Variants in LVRN observed in about 807,000 individuals in gnomAD.
The protein encoded by LVRN is aminopeptidase Q.
A neutral mutation model predicts 111.4 loss-of-function variants in LVRN; 99 were observed. That is an observed-to-expected ratio of 0.89 (90% CI 0.76 to 1.05). LVRN has a LOEUF of 1.05. Ranked by LOEUF, LVRN falls within the 50% of genes least tolerant of loss-of-function variation. LVRN has a pLI of 0.00. For missense variants in LVRN, 1,414 were observed against 1,206.8 expected, an observed-to-expected ratio of 1.17 and a Z score of -2.54; for synonymous variants, 488 against 449.5, an observed-to-expected ratio of 1.09 and a Z score of -1.08.
At chr5:115,988,225 T>C (rs1308723282) in intron 4 of LVRN, among the ~76,000 whole-genome samples, 1 of 152,158 alleles carries the variant, frequency 6.6e-6, no homozygotes, top group Non-Finnish European at 1.5e-5. Context: ...GACCCTACTT[T>C]CTCTTTTGAG....
At chr5:116,002,617 G>A (rs569302498) in intron 10 of LVRN, among the ~76,000 whole-genome samples, 67 of 152,248 alleles carry the variant, frequency 4.4e-4, no homozygotes, top group African/African-American at 1.5e-3. Flanking sequence ...AAGTAAATCC[G>A]TAAGACACAA....
intron 15 of LVRN, 102 bp downstream of exon 15, chr5:116,012,570 G>A: frequency 1.5e-6 from 1 of 686,380 alleles, no homozygotes. Flanking sequence ...TTCATTGAGA[G>A]ATTTTATATG....
intron 18 of LVRN, among the ~76,000 whole-genome samples, chr5:116,017,859 C>G (rs1215346733): frequency 6.6e-6 from 1 of 152,132 alleles, no homozygotes; most frequent in Non-Finnish European, 1.5e-5. Flanking sequence ...CACTTTATTT[C>G]TTTTTCTCAA....
intron 1 of LVRN, among the ~76,000 whole-genome samples, chr5:115,981,427 A>G (rs941750164): frequency 6.6e-6 from 1 of 152,084 alleles, no homozygotes; most frequent in Admixed American, 6.6e-5. Flanking sequence ...AGCCCCTAGA[A>G]CACTTTTTTT....
chr5:115,979,104 G>T (rs1375025285), intron 1 of LVRN, among the ~76,000 whole-genome samples: 1 of 152,038 alleles, frequency 6.6e-6, no homozygotes, highest in Non-Finnish European at 1.5e-5. Context: ...AATCAAGACA[G>T]TCCCCATATT....
At chr5:116,022,568 T>C (rs1580403828) in intron 19 of LVRN, 102 bp downstream of exon 19, 1 of 787,450 alleles carries the variant, frequency 1.3e-6, no homozygotes, top group Non-Finnish European at 2.1e-6. Context: ...ATCTGAATTA[T>C]TACATTCTAT....
intron 13 of LVRN, among the ~76,000 whole-genome samples, chr5:116,007,838 C>G (rs1748409567): frequency 6.6e-6 from 1 of 152,204 alleles, no homozygotes; most frequent in Admixed American, 6.5e-5. Flanking sequence ...TACAAAATTT[C>G]AAACTTTTTC....
rs183750778 is a variant in LVRN at position 115,972,071 on chromosome 5, A to G, written c.695+8759A>G. On this transcript the variant is annotated intron_variant, in intron 1 of 19. Transcript: ENST00000357872. Reference sequence around the variant, plus strand: ...TTTTATGAATTCAGTTGTAAATTCAAGTATTTTTATGAATTCAGTTGAAAA... The same window carrying G: ...TTTTATGAATTCAGTTGTAAATTCAGGTATTTTTATGAATTCAGTTGAAAA... 1.5e-4 allele frequency among the ~76,000 whole-genome samples: 23 copies of G among 152,262 alleles called. No homozygotes were observed. The East Asian group carries it at 4.2e-3, about 28-fold the overall frequency.
intron 16 of LVRN, 122 bp from the exon 17 acceptor site, chr5:116,015,130 C>A: frequency 1.5e-6 from 1 of 661,286 alleles, no homozygotes; most frequent in Non-Finnish European, 2.2e-6. Flanking sequence ...TCTCTAGATT[C>A]CTACTTTTGA....
At chr5:116,017,063 G>T (rs1748616826) in intron 18 of LVRN, among the ~76,000 whole-genome samples, 1 of 152,220 alleles carries the variant, frequency 6.6e-6, no homozygotes, top group South Asian at 2.1e-4. Flanking sequence ...GAGATGGCAA[G>T]GGCTTTTGGG....
intron 14 of LVRN, among the ~76,000 whole-genome samples, chr5:116,011,589 C>G (rs1159089535): frequency 6.6e-6 from 1 of 152,128 alleles, no homozygotes; most frequent in African/African-American, 2.4e-5. Context: ...AAGTGAATTT[C>G]TGGACCATTC....
Position 115,986,279 on chromosome 5 carries a change from T to C in LVRN, c.979-1534T>C, listed in dbSNP as rs367829097. 1.6e-4 allele frequency among the ~76,000 whole-genome samples: 24 copies of C among 152,276 alleles called. 1 individual carries two copies. The East Asian group carries it at 1.9e-3, about 12-fold the overall frequency. On this transcript the variant is annotated intron_variant, in intron 3 of 19. Coordinates refer to ENST00000357872, the MANE Select transcript of LVRN (RefSeq NM_173800.5). ...ATTTTTAAATCTGCTCAGGCATGAT[T>C]TGGAAGCACGTGCTTTGAGCTTGGT...
intron 15 of LVRN, among the ~76,000 whole-genome samples, chr5:116,013,698 G>C (rs139319142): frequency 6.6e-6 from 1 of 152,130 alleles, no homozygotes; most frequent in African/African-American, 2.4e-5. Flanking sequence ...GAGATTTGGC[G>C]CTTGCGTTTT....
At chr5:115,988,642 T>C (rs545331231) in intron 4 of LVRN, among the ~76,000 whole-genome samples, 388 of 152,292 alleles carry the variant, frequency 2.5e-3, no homozygotes, top group African/African-American at 8.9e-3. Context: ...TGGCAGATAG[T>C]GGAAGAAGGT....
intron 6 of LVRN, among the ~76,000 whole-genome samples, chr5:115,997,790 AGCTGACATCAT>A: frequency 6.6e-6 from 1 of 152,338 alleles, no homozygotes; most frequent in Non-Finnish European, 1.5e-5. Context: ...TTTTTTTTAA[AGCTGACATCAT>A]GTTTTATGTA....
At position 116,000,652 on chromosome 5, in the gene LVRN, T is replaced by G; in HGVS notation, c.1641T>G (p.Phe547Leu). ...NAEQDDLWRH[F>L]QMAIDDQSTV... ...AGCAAGATGATCTATGGAGGCATTT[T>G]CAAATGGTAATTGTCCTACTTTCTG... Residue 547 changes from phenylalanine (F) to leucine (L), a missense_variant, in exon 9 of 20, where the codon TTT becomes TTG. Transcript: ENST00000357872. 6.2e-7 allele frequency: 1 copy of G among 1,613,770 alleles called. No homozygotes were observed.
chr5:115,998,877 T>G (rs17138619), intron 6 of LVRN, among the ~76,000 whole-genome samples: 9,292 of 152,236 alleles, frequency 0.061, 349 homozygotes, highest in East Asian at 0.19. Context: ...ATGGTATTAC[T>G]AGCCTAAAAA....
At chr5:116,015,101 G>A (rs1460625135) in intron 16 of LVRN, 151 bp from the exon 17 acceptor site, 20 of 521,064 alleles carry the variant, frequency 3.8e-5, no homozygotes, top group Non-Finnish European at 6.2e-5. Context: ...TAATGCTAAT[G>A]ACAGTTCTGA....
intron 6 of LVRN, among the ~76,000 whole-genome samples, chr5:115,998,807 T>C (rs1748174041): frequency 6.6e-6 from 1 of 152,226 alleles, no homozygotes; most frequent in Non-Finnish European, 1.5e-5. Flanking sequence ...TGAGATGTAT[T>C]GCTCTAAATG....
Sources: gnomAD v4.1 joint callset for allele counts (sites outside exome capture counted in the v4.1 genomes callset) on GRCh38, gnomAD v4.1.1 for gene constraint, MANE v1.5 for transcripts, NCBI Gene and HGNC (gene_info 2026-07-23, HGNC 2026-07-21) for gene names.